FMN2: variants seen among roughly 807,000 people sequenced by gnomAD.
FMN2 encodes the protein formin-2.
Under a neutral mutation model 142.3 loss-of-function variants are expected in FMN2, and 51 were observed. The ratio of observed to expected loss-of-function variants is 0.36; its 90% CI spans 0.29 to 0.45. The LOEUF (loss-of-function observed/expected upper bound fraction) is 0.45. FMN2 is among the 20% of genes least tolerant of loss of function. The probability of loss-of-function intolerance (pLI) is 1.00; values close to 1 mark genes in which losing one functional copy is unlikely to be tolerated. For missense variants in FMN2, 1,936 were observed against 2,122.8 expected (o/e 0.91, Z 1.73); for synonymous variants, 882 against 869.8 (o/e 1.01, Z -0.25).
intron 3 of FMN2, among the ~76,000 whole-genome samples, chr1:240,181,944 G>A (rs1202832833): frequency 2.6e-5 from 4 of 151,958 alleles, no homozygotes; most frequent in Non-Finnish European, 5.9e-5. Flanking sequence ...AATGCTTTAC[G>A]TATTGAATTT....
At position 240,365,222 on chromosome 1, in the gene FMN2, GAC is replaced by G. The variant is rs762085410; in HGVS notation, c.4858+9320_4858+9321del. ...ATGTGTGTGTATATATATACACACA[GAC>G]ACACATATATATACACATATACATA... is the stretch of plus-strand genomic sequence containing the variant. On this transcript the variant is annotated intron_variant, in intron 14 of 17. Coordinates refer to ENST00000319653, the MANE Select transcript of FMN2 (RefSeq NM_020066.5). Among the ~76,000 whole-genome samples, 7 of 60,906 alleles carry G rather than the reference GAC, an allele frequency of 1.1e-4. 1 individual carries two copies. Among genetic ancestry groups the G allele is most frequent in the East Asian group, 4.2e-4 (1 of 2,386 alleles). The allele number at this position is 60,906 out of a possible 152,430, so 40.0% of individuals were successfully genotyped here.
chr1:240,324,847 G>A (rs1671107305), intron 8 of FMN2, among the ~76,000 whole-genome samples: 1 of 152,102 alleles, frequency 6.6e-6, no homozygotes, highest in Non-Finnish European at 1.5e-5. Context: ...AGTTGTGGGG[G>A]TATTTACTTA....
chr1:240,348,547 T>G (rs995607877), intron 13 of FMN2, among the ~76,000 whole-genome samples: 1 of 151,484 alleles, frequency 6.6e-6, no homozygotes, highest in Admixed American at 6.6e-5. Flanking sequence ...TTTTGACTTT[T>G]TAAGAAAAGC....
intron 8 of FMN2, among the ~76,000 whole-genome samples, chr1:240,297,993 C>G (rs1436172056): frequency 6.6e-6 from 1 of 152,130 alleles, no homozygotes; most frequent in South Asian, 2.1e-4. Context: ...CAAGAGGGCT[C>G]TGCTCTCATG....
chr1:240,399,795 A>G (rs1424451791), intron 15 of FMN2, among the ~76,000 whole-genome samples: 1 of 151,378 alleles, frequency 6.6e-6, no homozygotes, highest in Non-Finnish European at 1.5e-5. Context: ...TTTAGGGCAG[A>G]GATTCTACAC....
intron 8 of FMN2, among the ~76,000 whole-genome samples, chr1:240,326,884 C>T (rs1277904777): frequency 6.6e-6 from 1 of 152,002 alleles, no homozygotes; most frequent in Non-Finnish European, 1.5e-5. Flanking sequence ...TTAAAACAAC[C>T]CTTGCCTTGT....
chr1:240,347,720 G>A (rs1461814512), intron 13 of FMN2, among the ~76,000 whole-genome samples: 1 of 152,060 alleles, frequency 6.6e-6, no homozygotes, highest in Non-Finnish European at 1.5e-5. Flanking sequence ...AGACCCCAGC[G>A]TTGATCGCGC....
At chr1:240,161,155 T>C (rs1276395445) in intron 2 of FMN2, among the ~76,000 whole-genome samples, 3 of 152,178 alleles carry the variant, frequency 2.0e-5, no homozygotes, top group African/African-American at 4.8e-5. Flanking sequence ...ATAGATTAGA[T>C]GCAATTCTAA....
At chr1:240,384,337 A>G (rs1038250104) in intron 14 of FMN2, among the ~76,000 whole-genome samples, 1 of 152,172 alleles carries the variant, frequency 6.6e-6, no homozygotes, top group African/African-American at 2.4e-5. Context: ...TCTAGGCAAA[A>G]ATAAATAAAA....
intron 16 of FMN2, among the ~76,000 whole-genome samples, chr1:240,471,467 T>C (rs12759654): frequency 0.67 from 101,487 of 151,682 alleles, 34,895 homozygotes; most frequent in African/African-American, 0.84. Context: ...GCTCAGCCTC[T>C]TGGGTTCACA....
At chr1:240,174,527 T>G (rs542625687) in intron 2 of FMN2, among the ~76,000 whole-genome samples, 1 of 152,108 alleles carries the variant, frequency 6.6e-6, no homozygotes, top group South Asian at 2.1e-4. Flanking sequence ...GCTAATTTTT[T>G]AAAAATTTTT....
In FMN2 at chr1:240,375,616, G is replaced by A. The variant is rs571141203; in HGVS notation, c.4859-16895G>A. Among the ~76,000 whole-genome samples the A allele has an allele frequency of 5.3e-5, 8 of 152,144 alleles. No homozygotes were observed. In the South Asian group the frequency reaches 1.0e-3, roughly 20 times the overall value. On this transcript the variant is annotated intron_variant, in intron 14 of 17. Coordinates refer to ENST00000319653, the MANE Select transcript of FMN2 (RefSeq NM_020066.5). ...ACTTTCCTATTCCCATCCATTTCCC[G>A]GCATGAAACTTCAGAGGCATTCTTA...
chr1:240,394,275 G>T (rs955705568), intron 15 of FMN2, among the ~76,000 whole-genome samples: 1 of 152,188 alleles, frequency 6.6e-6, no homozygotes, highest in South Asian at 2.1e-4. Flanking sequence ...GACCAGAAGG[G>T]TCAGTTTCTA....
intron 14 of FMN2, among the ~76,000 whole-genome samples, chr1:240,361,018 G>A (rs1313462583): frequency 1.3e-5 from 2 of 151,386 alleles, no homozygotes; most frequent in African/African-American, 4.9e-5. Context: ...TATACCTTAT[G>A]TAAATGACAA....
intron 14 of FMN2, among the ~76,000 whole-genome samples, chr1:240,372,375 G>T (rs1285201950): frequency 6.6e-6 from 1 of 152,072 alleles, no homozygotes; most frequent in Admixed American, 6.6e-5. Context: ...TGAATTCTTG[G>T]GTTTGAAAGA....
chr1:240,429,770 C>G (rs549039256), intron 15 of FMN2, among the ~76,000 whole-genome samples: 1 of 152,184 alleles, frequency 6.6e-6, no homozygotes, highest in Non-Finnish European at 1.5e-5. Context: ...AGTAGCATTT[C>G]ATCATATTTA....
intron 13 of FMN2, among the ~76,000 whole-genome samples, chr1:240,351,764 T>C (rs1320289658): frequency 6.6e-6 from 1 of 152,190 alleles, no homozygotes; most frequent in South Asian, 2.1e-4. Flanking sequence ...CTTCCCCAGC[T>C]AATGAAGTCC....
chr1:240,144,003 A>G, intron 2 of FMN2: 1 of 1,227,936 alleles, frequency 8.1e-7, no homozygotes, highest in Non-Finnish European at 1.2e-6. Context: ...GCAGGGACAC[A>G]CTCATTCCAG....
intron 15 of FMN2, among the ~76,000 whole-genome samples, chr1:240,401,580 C>T (rs999501705): frequency 1.6e-4 from 24 of 152,158 alleles, no homozygotes; most frequent in Admixed American, 1.2e-3. Flanking sequence ...GCAGGAGATC[C>T]ACTGACAAAT....
Sources: gnomAD v4.1 joint callset for allele counts (sites outside exome capture counted in the v4.1 genomes callset) on GRCh38, gnomAD v4.1.1 for gene constraint, MANE v1.5 for transcripts, NCBI Gene and HGNC (gene_info 2026-07-23, HGNC 2026-07-21) for gene names.